UBE3B: variants seen among roughly 807,000 people sequenced by gnomAD.
UBE3B encodes the protein ubiquitin-protein ligase E3B.
UBE3B carries 80 observed loss-of-function variants against 132.3 expected under a neutral mutation model. The ratio of observed to expected loss-of-function variants is 0.60; its 90% CI spans 0.50 to 0.73. The LOEUF is 0.73. UBE3B is among the 30% of genes least tolerant of loss of function. UBE3B has a pLI of 0.00. For synonymous variants in UBE3B, 487 were observed against 520.4 expected (o/e 0.94, Z 0.87); for missense variants, 1,196 against 1,362.5 (o/e 0.88, Z 1.92).
chr12:109,493,464 C>T (rs1877753142), intron 9 of UBE3B, among the ~76,000 whole-genome samples: 2 of 152,218 alleles, frequency 1.3e-5, no homozygotes, highest in African/African-American at 4.8e-5. Flanking sequence ...AGTCATTCTA[C>T]CACACTTAAA....
chr12:109,532,709 G>A (rs1409856254), intron 26 of UBE3B, among the ~76,000 whole-genome samples: 3 of 152,198 alleles, frequency 2.0e-5, no homozygotes, highest in African/African-American at 4.8e-5. Context: ...GGAGAACGCC[G>A]GGAGTTCCCA....
rs916548303 is a variant in UBE3B, at chr12:109,521,028, T to G, written c.2077-120T>G. Reference sequence around the variant, plus strand: ...GAACGGCTCCTGTCATGCATCCACGTTTCATAATTTGCACATTTGGTAATG... The same window carrying G: ...GAACGGCTCCTGTCATGCATCCACGGTTCATAATTTGCACATTTGGTAATG... On this transcript the variant is annotated intron_variant, in intron 19 of 27. Coordinates refer to ENST00000342494, the MANE Select transcript of UBE3B (RefSeq NM_130466.4). This position sits in a 1 kb window ranked among gnomAD's most constrained non-coding sequence, Gnocchi z 4.2. 1 of 1,171,666 alleles carries G rather than the reference T, an allele frequency of 8.5e-7. No individual in the cohort carries two copies. Among genetic ancestry groups the G allele is most frequent in the African/African-American group, 1.5e-5 (1 of 65,000 alleles). 72.6% of individuals were successfully genotyped at this position (1,171,666 alleles called of 1,614,324 possible). A position where few individuals can be genotyped will look rare whatever the true frequency, so the allele number is the denominator to read the frequency against.
At chr12:109,538,332 A>G (rs1883528742), downstream of UBE3B, among the ~76,000 whole-genome samples, 1 of 152,190 alleles carries the variant, frequency 6.6e-6, no homozygotes, top group Admixed American at 6.5e-5. This position sits in a 1 kb window ranked among gnomAD's most constrained non-coding sequence, Gnocchi z 4.1. Context: ...AATTGGCCAG[A>G]GTGGCCGGAG....
Position 109,532,824 on chromosome 12 carries a change from A to T in UBE3B, c.2923-642A>T, listed in dbSNP as rs554436416. Reference sequence around the variant, plus strand: ...CTGGCTCTGGGGCCTCATTTTTGTCAGTGTGCTGAGAGGTTATTAGTCTCT... The same window carrying T: ...CTGGCTCTGGGGCCTCATTTTTGTCTGTGTGCTGAGAGGTTATTAGTCTCT... On this transcript the variant is annotated intron_variant, in intron 26 of 27. Transcript: ENST00000342494. 7.3e-3 allele frequency among the ~76,000 whole-genome samples: 1,113 copies of T among 152,246 alleles called. 10 individuals carry two copies. The highest frequency in any genetic ancestry group is 0.026 in the African/African-American group (1,081 of 41,538).
At chr12:109,511,330 G>C (rs1356019817) in intron 18 of UBE3B, 27 bp downstream of exon 18, 1 of 1,604,464 alleles carries the variant, frequency 6.2e-7, no homozygotes, top group Non-Finnish European at 8.5e-7. Flanking sequence ...GCTGGGCCCC[G>C]ATGTGTCTTT....
rs1486855627 is a variant in UBE3B, at chr12:109,521,264, T to G, written c.2193T>G (p.Phe731Leu). The G allele has an allele frequency of 6.2e-7, 1 of 1,614,198 alleles. No individual in the cohort carries two copies. The highest frequency in any genetic ancestry group is 2.2e-5 in the East Asian group (1 of 44,888). The change falls in exon 20 of 28, where the codon TTT becomes TTG. Residue 731 changes from phenylalanine (F) to leucine (L), a missense_variant. Coordinates refer to ENST00000342494, the MANE Select transcript of UBE3B (RefSeq NM_130466.4). The surrounding 1 kb of genome is among the most constrained non-coding windows in gnomAD (Gnocchi z 4.2). ...CAGGGATTGATCAAGACGGTGTTTT[T>G]AAGGAGTTCTTGGAAGAGATCATCA... ...DEAGIDQDGV[F>L]KEFLEEIIKR...
chr12:109,503,210 T>C lies in UBE3B; in HGVS notation c.1450+20T>C, dbSNP rs775675047. The C allele has an allele frequency of 6.2e-7, 1 of 1,607,538 alleles. No homozygotes were observed. Among genetic ancestry groups the C allele is most frequent in the South Asian group, 1.1e-5 (1 of 90,676 alleles). ...TCACAGGTTCGCAGTCCCCAGGGCA[T>C]CTTCTTCACCTCTCACATTTGGCAG... On this transcript the variant is annotated intron_variant, in intron 14 of 27. Transcript: ENST00000342494.
At chr12:109,514,544 A>C (rs1880766102) in intron 18 of UBE3B, among the ~76,000 whole-genome samples, 1 of 152,160 alleles carries the variant, frequency 6.6e-6, no homozygotes, top group Non-Finnish European at 1.5e-5. Flanking sequence ...ATTGACCCAG[A>C]TGTAACTCGC....
intron 27 of UBE3B, 175 bp downstream of exon 27, chr12:109,533,733 C>T (rs762408364): frequency 2.4e-5 from 20 of 834,378 alleles, no homozygotes; most frequent in Non-Finnish European, 3.4e-5. Context: ...CCAGCCAGCC[C>T]CAGAGAGACT....
chr12:109,525,621 C>T (rs567748461), intron 23 of UBE3B, among the ~76,000 whole-genome samples: 13 of 152,182 alleles, frequency 8.5e-5, no homozygotes, highest in African/African-American at 2.4e-4. Context: ...AGGTGATCCA[C>T]GGAAGTGTTC....
intron 26 of UBE3B, among the ~76,000 whole-genome samples, chr12:109,531,135 C>T (rs547804434): frequency 3.3e-5 from 5 of 152,170 alleles, no homozygotes; most frequent in African/African-American, 7.2e-5. Context: ...TTCTCAATAG[C>T]GTAAGACACA....
chr12:109,545,309 A>G, the UBE3B span, among the ~76,000 whole-genome samples: 1 of 152,240 alleles, frequency 6.6e-6, no homozygotes, highest in Non-Finnish European at 1.5e-5. Context: ...GACTCAGCCA[A>G]CAAACAGACC....
rs775881980 is a variant in UBE3B, at chr12:109,530,049, T to C, written c.2787T>C (p.Ala929=). ...AGCGTCTCATCTCTGGCGACAATGC[T>C]GAGATTGATCTGGAAGATTTAAAGT... ...ELQRLISGDN[A]EIDLEDLKKH... The change falls in exon 25 of 28, where the codon GCT becomes GCC. Residue 929 remains alanine (A), a synonymous_variant. Coordinates refer to ENST00000342494, the MANE Select transcript of UBE3B (RefSeq NM_130466.4). 1.2e-6 allele frequency: 2 copies of C among 1,613,614 alleles called. No homozygotes were observed. Among genetic ancestry groups the C allele is most frequent in the Admixed American group, 1.7e-5 (1 of 59,962 alleles).
intron 25 of UBE3B, 60 bp downstream of exon 25, chr12:109,530,132 C>G: frequency 6.3e-7 from 1 of 1,593,222 alleles, no homozygotes; most frequent in Non-Finnish European, 8.6e-7. Flanking sequence ...CCAGCTGCTC[C>G]CTCGCTGGGT....
At chr12:109,501,241 C>A in intron 12 of UBE3B, 130 bp from the exon 13 acceptor site, 1 of 1,128,224 alleles carries the variant, frequency 8.9e-7, no homozygotes, top group Non-Finnish European at 1.3e-6. Context: ...TTTTTGTAAT[C>A]TTCTTTGCCA....
chr12:109,538,227 A>C (rs1298915639), downstream of UBE3B, among the ~76,000 whole-genome samples: 1 of 152,250 alleles, frequency 6.6e-6, no homozygotes, highest in East Asian at 1.9e-4. The surrounding 1 kb of genome is among the most constrained non-coding windows in gnomAD (Gnocchi z 4.1). Flanking sequence ...GCACTGCTGA[A>C]AGCCATAGGG....
chr12:109,515,401 C>T (rs2136019583), intron 18 of UBE3B, among the ~76,000 whole-genome samples: 1 of 151,802 alleles, frequency 6.6e-6, no homozygotes, highest in South Asian at 2.1e-4. Flanking sequence ...CAGAGTTTCA[C>T]TCTTGTTGCC....
At chr12:109,480,971 G>A (rs1172474778) in intron 1 of UBE3B, among the ~76,000 whole-genome samples, 2 of 152,086 alleles carry the variant, frequency 1.3e-5, no homozygotes, top group South Asian at 2.1e-4. Flanking sequence ...AGGCATAAAC[G>A]TTTTTCCATT....
intron 21 of UBE3B, among the ~76,000 whole-genome samples, chr12:109,523,341 C>G (rs1182153988): frequency 6.6e-6 from 1 of 152,254 alleles, no homozygotes; most frequent in African/African-American, 2.4e-5. Context: ...AAGTGCAGCT[C>G]TGTCCCTTCC....
Sources: gnomAD v4.1 joint callset for allele counts (sites outside exome capture counted in the v4.1 genomes callset) on GRCh38, gnomAD v4.1.1 for gene constraint, Gnocchi (gnomAD v3.1) non-coding constraint, MANE v1.5 for transcripts, NCBI Gene and HGNC (gene_info 2026-07-23, HGNC 2026-07-21) for gene names.